The following ST8SIA6 variants were observed in gnomAD, a reference collection of about 807,000 sequenced individuals.
ST8SIA6 encodes the protein ST8 alpha-N-acetyl-neuraminide alpha-2,8-sialyltransferase 6, also known as alpha-2,8-sialyltransferase 8F.
ST8SIA6 carries 39 observed loss-of-function variants against 33.6 expected under a neutral mutation model. The ratio of observed to expected loss-of-function variants is 1.16; its 90% CI spans 0.90 to 1.52. The LOEUF is 1.52. ST8SIA6 is among the 40% of genes most tolerant of loss of function. ST8SIA6 has a pLI of 0.00. For synonymous variants in ST8SIA6, 172 were observed against 167.2 expected (o/e 1.03, Z -0.22); for missense variants, 441 against 443.8 (o/e 0.99, Z 0.06).
At chr10:17,428,327 G>A (rs965098069) in intron 2 of ST8SIA6, among the ~76,000 whole-genome samples, 1 of 152,230 alleles carries the variant, frequency 6.6e-6, no homozygotes, top group African/African-American at 2.4e-5. Flanking sequence ...CTTCCTGTCT[G>A]TAGAGCACAT....
At chr10:17,379,126 CA>C (rs1279101422) in intron 3 of ST8SIA6, among the ~76,000 whole-genome samples, 7 of 101,558 alleles carry the variant, frequency 6.9e-5, no homozygotes, top group East Asian at 2.7e-4. Context: ...GACTCTGTCT[CA>C]AAAAAAAAAC....
intron 2 of ST8SIA6, among the ~76,000 whole-genome samples, chr10:17,418,611 C>A (rs1851673396): frequency 6.6e-6 from 1 of 152,202 alleles, no homozygotes; most frequent in African/African-American, 2.4e-5. Flanking sequence ...AAGCATTCTC[C>A]TTGCTTCCCT....
intron 4 of ST8SIA6, among the ~76,000 whole-genome samples, chr10:17,341,295 G>A (rs76978021): frequency 0.026 from 3,969 of 152,270 alleles, 71 homozygotes; most frequent in African/African-American, 0.049. Context: ...ACAAACCAGG[G>A]CCTGTCTGGA....
At chr10:17,399,595 C>T (rs1023115665) in intron 2 of ST8SIA6, among the ~76,000 whole-genome samples, 8 of 152,088 alleles carry the variant, frequency 5.3e-5, no homozygotes, top group African/African-American at 1.7e-4. Flanking sequence ...ATTTTGCCCT[C>T]CTACCATAGT....
chr10:17,411,188 G>C (rs1027723462), intron 2 of ST8SIA6, among the ~76,000 whole-genome samples: 4 of 151,936 alleles, frequency 2.6e-5, no homozygotes, highest in Non-Finnish European at 5.9e-5. Flanking sequence ...GTGTGTGTGT[G>C]TGTGTGTCTG....
chr10:17,323,226 C>T (rs891803260), intron 6 of ST8SIA6, 69 bp from the exon 7 acceptor site: 31 of 896,456 alleles, frequency 3.5e-5, no homozygotes, highest in African/African-American at 1.7e-4. Flanking sequence ...CACACATATG[C>T]GCGCACACAC....
chr10:17,413,901 T>C (rs1042957211), intron 2 of ST8SIA6, among the ~76,000 whole-genome samples: 1 of 152,224 alleles, frequency 6.6e-6, no homozygotes, highest in Admixed American at 6.5e-5. Flanking sequence ...GTATTTTTTA[T>C]CACTAGTTTC....
In ST8SIA6 at chr10:17,316,707, T is replaced by C. The variant is rs1847789076; in HGVS notation, c.*4171A>G. On this transcript the variant is annotated 3_prime_UTR_variant, in exon 8 of 8. Transcript: ENST00000377602. ...CTTTCATTTGCATTTCTCAGGTTACTGGTAAATTTGAGTATCACTTCCTAT... is the reference window on the plus strand; with the variant it reads ...CTTTCATTTGCATTTCTCAGGTTACCGGTAAATTTGAGTATCACTTCCTAT... Among the ~76,000 whole-genome samples, 1 of 152,186 alleles carries C rather than the reference T, an allele frequency of 6.6e-6. No individual in the cohort carries two copies. The highest frequency in any genetic ancestry group is 1.5e-5 in the Non-Finnish European group (1 of 68,010).
At chr10:17,376,954 T>A (rs1349474848) in intron 3 of ST8SIA6, among the ~76,000 whole-genome samples, 1 of 152,176 alleles carries the variant, frequency 6.6e-6, no homozygotes, top group Non-Finnish European at 1.5e-5. Flanking sequence ...CATCTAGGAA[T>A]TAGAGTTTGT....
At chr10:17,355,068 A>G (rs1250882416) in intron 4 of ST8SIA6, among the ~76,000 whole-genome samples, 1 of 152,216 alleles carries the variant, frequency 6.6e-6, no homozygotes, top group African/African-American at 2.4e-5. Flanking sequence ...ACAACAAGAA[A>G]GTTAAAATAA....
At chr10:17,448,853 CT>C (rs1336246234) in intron 2 of ST8SIA6, among the ~76,000 whole-genome samples, 2 of 150,218 alleles carry the variant, frequency 1.3e-5, no homozygotes, top group Non-Finnish European at 3.0e-5. Flanking sequence ...ATCTCCTCAC[CT>C]TTTGATCCAC....
At chr10:17,358,336 G>A (rs1367913939) in intron 4 of ST8SIA6, among the ~76,000 whole-genome samples, 5 of 152,092 alleles carry the variant, frequency 3.3e-5, no homozygotes, top group African/African-American at 9.7e-5. Context: ...ACTATATAAG[G>A]CAAACAAGAA....
chr10:17,378,807 T>G (rs1277349534), intron 3 of ST8SIA6, among the ~76,000 whole-genome samples: 1 of 151,986 alleles, frequency 6.6e-6, no homozygotes, highest in East Asian at 1.9e-4. Flanking sequence ...CCTGCTCCAA[T>G]GAGGGAATTT....
At chr10:17,360,783 C>G (rs549271329) in intron 3 of ST8SIA6, among the ~76,000 whole-genome samples, 1 of 151,984 alleles carries the variant, frequency 6.6e-6, no homozygotes, top group East Asian at 1.9e-4. Context: ...AGAGAACAAA[C>G]AGCAAGATGG....
chr10:17,318,442 C>T lies in ST8SIA6; in HGVS notation c.*2436G>A. ...TGTTGCCCAGGCTAGTCTCAAACTC[C>T]TGGCCTCAAGTGACCCACCCACCTT... On this transcript the variant is annotated 3_prime_UTR_variant, in exon 8 of 8. Transcript: ENST00000377602. 1 of 332,952 alleles carries T rather than the reference C, an allele frequency of 3.0e-6. No individual in the cohort carries two copies. The highest frequency in any genetic ancestry group is 2.2e-5 in the African/African-American group (1 of 46,264). The allele number at this position is 332,952 out of a possible 1,614,324, so 20.6% of individuals were successfully genotyped here.
intron 3 of ST8SIA6, among the ~76,000 whole-genome samples, chr10:17,380,747 G>C (rs796576958): frequency 3.2e-4 from 48 of 148,510 alleles, no homozygotes; most frequent in African/African-American, 1.0e-3. Flanking sequence ...ATGTGTGTGT[G>C]TATGTGTTCA....
intron 3 of ST8SIA6, among the ~76,000 whole-genome samples, chr10:17,371,782 T>TAAA (rs202019274): frequency 0.021 from 1,902 of 88,738 alleles, 41 homozygotes; most frequent in East Asian, 0.057. Context: ...CAAGACTCCA[T>TAAA]TAAAAAAAAA....
intron 2 of ST8SIA6, among the ~76,000 whole-genome samples, chr10:17,444,169 C>A (rs1852612638): frequency 6.6e-6 from 1 of 152,142 alleles, no homozygotes; most frequent in Admixed American, 6.5e-5. Flanking sequence ...ATGCTAATGC[C>A]TGTTGCCTTA....
In ST8SIA6 at chr10:17,319,634, T is replaced by G. The variant is rs751263743; in HGVS notation, c.*1244A>C. On this transcript the variant is annotated 3_prime_UTR_variant, in exon 8 of 8. Coordinates refer to ENST00000377602, the MANE Select transcript of ST8SIA6 (RefSeq NM_001004470.3). ...TATCAGTGATACTAGAGATTCTGTT[T>G]TGATGTTCTAAAGAAAAATTTTTAA... Among the ~76,000 whole-genome samples, 16 of 152,210 alleles carry G rather than the reference T, an allele frequency of 1.1e-4. No individual in the cohort carries two copies. The highest frequency in any genetic ancestry group is 2.2e-4 in the Non-Finnish European group (15 of 68,024).
Sources: allele counts gnomAD v4.1 joint callset (sites outside exome capture counted in the v4.1 genomes callset), GRCh38; gene constraint gnomAD v4.1.1; transcripts MANE v1.5; gene names NCBI Gene and HGNC (gene_info 2026-07-23, HGNC 2026-07-21).